CCDC141: variants seen among roughly 807,000 people sequenced by gnomAD.
The protein encoded by CCDC141 is coiled-coil domain-containing protein 141.
In CCDC141, 168 loss-of-function variants were observed where a neutral mutation model predicts 181.0. That is an observed-to-expected ratio of 0.93 (90% confidence interval 0.82 to 1.05). The LOEUF (loss-of-function observed/expected upper bound fraction) is 1.05, where lower values mean the gene tolerates loss of function less well. Among genes scored for constraint, CCDC141 ranks in the 50% least tolerant of loss-of-function variants. CCDC141 has a pLI of 0.00. For synonymous variants in CCDC141, 666 were observed against 642.3 expected, an observed-to-expected ratio of 1.04 and a Z score of -0.56; for missense variants, 1,902 against 1,788.5, an observed-to-expected ratio of 1.06 and a Z score of -1.14.
At chr2:178,977,799 A>G (rs901650605) in intron 3 of CCDC141, among the ~76,000 whole-genome samples, 1 of 152,204 alleles carries the variant, frequency 6.6e-6, no homozygotes, top group African/African-American at 2.4e-5. Context: ...GAAATTTCCA[A>G]TAACTGTCTT....
intron 8 of CCDC141, 150 bp downstream of exon 8, chr2:178,905,178 GT>G (rs745786744): frequency 9.8e-5 from 68 of 696,514 alleles, no homozygotes; most frequent in Non-Finnish European, 1.5e-4. Flanking sequence ...CAGAATAGCT[GT>G]TGATCAAACT....
intron 5 of CCDC141, among the ~76,000 whole-genome samples, chr2:178,950,900 T>C (rs565421121): frequency 2.0e-5 from 3 of 152,214 alleles, no homozygotes; most frequent in South Asian, 2.1e-4. Context: ...TATTAGCATA[T>C]AATTTCTCTT....
At chr2:178,826,605 C>A (rs1684128952), downstream of CCDC141, among the ~76,000 whole-genome samples, 1 of 152,002 alleles carries the variant, frequency 6.6e-6, no homozygotes, top group Admixed American at 6.6e-5. Flanking sequence ...ATATCTCTAA[C>A]AGATAAAGGG....
chr2:178,900,234 TTTC>T (rs910172616), intron 8 of CCDC141, among the ~76,000 whole-genome samples: 2 of 152,174 alleles, frequency 1.3e-5, no homozygotes, highest in Non-Finnish European at 2.9e-5. Context: ...TACCTAATTA[TTTC>T]TTCTTCTGTT....
chr2:178,849,221 A>G (rs1392720976), intron 21 of CCDC141, among the ~76,000 whole-genome samples: 2 of 152,204 alleles, frequency 1.3e-5, no homozygotes, highest in Non-Finnish European at 2.9e-5. Flanking sequence ...CTCAATAACA[A>G]TTATCACAAC....
chr2:178,952,334 T>TA lies in CCDC141; in HGVS notation c.781-7684dup, dbSNP rs1689983350. Reference sequence around the variant, plus strand: ...GAACATTTGAAAATCATTGGGCACTTACAATATGCCAAGCTGTGCTCAAAG... The same window carrying TA: ...GAACATTTGAAAATCATTGGGCACTTAACAATATGCCAAGCTGTGCTCAAAG... On this transcript the variant is annotated intron_variant, in intron 5 of 23. Transcript: ENST00000443758. Among the ~76,000 whole-genome samples the TA allele has an allele frequency of 3.3e-5, 5 of 152,338 alleles. No individual in the cohort carries two copies. In the South Asian group the frequency reaches 1.0e-3, roughly 32 times the overall value.
chr2:178,924,124 A>G (rs1688823884), intron 6 of CCDC141, among the ~76,000 whole-genome samples: 1 of 152,190 alleles, frequency 6.6e-6, no homozygotes, highest in African/African-American at 2.4e-5. Context: ...TCAGGTGGTA[A>G]ATTTTCGTTA....
At chr2:178,935,346 C>T (rs931601282) in intron 6 of CCDC141, among the ~76,000 whole-genome samples, 2 of 152,132 alleles carry the variant, frequency 1.3e-5, no homozygotes, top group African/African-American at 4.8e-5. Flanking sequence ...CATGATTTGA[C>T]TCTCACTTAT....
chr2:178,956,523 G>A (rs890326380), intron 5 of CCDC141, among the ~76,000 whole-genome samples: 21 of 152,026 alleles, frequency 1.4e-4, no homozygotes, highest in African/African-American at 2.7e-4. Context: ...AGCTGGTCTC[G>A]AATTCCTGGG....
intron 2 of CCDC141, chr2:179,002,418 G>C: frequency 2.8e-6 from 1 of 362,434 alleles, no homozygotes; most frequent in South Asian, 2.2e-5. Flanking sequence ...GGATGTTCCT[G>C]GACTGACTGA....
Position 178,837,600 on chromosome 2 carries a change from CAT to C in CCDC141, c.3617_3618del (p.Tyr1206Ter). On this transcript the variant is annotated frameshift_variant, in exon 23 of 24. Transcript: ENST00000443758. LOFTEE classifies it high-confidence loss of function. Reference protein sequence around the residue: ...LPEDMLSGEEYECVSPDDISL... With the variant: ...LPEDMLSGEEXECVSPDDISL... ...GAGATGTCATCAGGTGAGACACACT[CAT>C]ATTCTTCCCCTGAGAGCATGTCTTC... 6.2e-7 allele frequency: 1 copy of C among 1,613,990 alleles called. No individual in the cohort carries two copies.
chr2:178,945,249 C>T (rs995314773), intron 5 of CCDC141, among the ~76,000 whole-genome samples: 1 of 151,982 alleles, frequency 6.6e-6, no homozygotes, highest in Non-Finnish European at 1.5e-5. Context: ...TAAATGATGC[C>T]AACACTTGAC....
chr2:178,915,386 A>G (rs1194267388), intron 7 of CCDC141, among the ~76,000 whole-genome samples: 2 of 152,226 alleles, frequency 1.3e-5, no homozygotes, highest in African/African-American at 2.4e-5. Flanking sequence ...TTAAAAAATC[A>G]TATATTTCAC....
the CCDC141 span, chr2:178,817,524 A>C: frequency 2.1e-6 from 1 of 471,076 alleles, no homozygotes; most frequent in Non-Finnish European, 4.4e-6. Flanking sequence ...CACATGACCT[A>C]CTTCAGTATC....
At chr2:179,041,391 A>G (rs1210284621) in intron 2 of CCDC141, among the ~76,000 whole-genome samples, 1 of 143,786 alleles carries the variant, frequency 7.0e-6, no homozygotes, top group Non-Finnish European at 1.5e-5. Context: ...ATGATCAGTG[A>G]TTTTGAGCTT....
At chr2:179,009,321 T>C (rs2042198734) in intron 2 of CCDC141, among the ~76,000 whole-genome samples, 1 of 152,180 alleles carries the variant, frequency 6.6e-6, no homozygotes, top group Non-Finnish European at 1.5e-5. Context: ...TTCTCCCCCC[T>C]GGGGGTTGAA....
rs964585206 is a variant in CCDC141 at position 178,869,363 on chromosome 2, A to G, written c.2206-58T>C. ...TATTAAAGAACTTTTTTACTTTACA[A>G]CTGACAATATAAAGGTCTAAACAAT... is the stretch of plus-strand genomic sequence containing the variant. On this transcript the variant is annotated intron_variant, in intron 14 of 23. Transcript: ENST00000443758. 34 of 1,252,970 alleles carry G rather than the reference A, an allele frequency of 2.7e-5. No homozygotes were observed. In the African/African-American group the frequency reaches 4.7e-4, roughly 17 times the overall value. The allele number at this position is 1,252,970 out of a possible 1,614,324, so 77.6% of individuals were successfully genotyped here. A position where few individuals can be genotyped will look rare whatever the true frequency, so the allele number is the denominator to read the frequency against.
At chr2:178,918,569 T>G in intron 7 of CCDC141, 144 bp downstream of exon 7, 1 of 584,970 alleles carries the variant, frequency 1.7e-6, no homozygotes, top group Non-Finnish European at 2.9e-6. Flanking sequence ...TAGGAATATA[T>G]GTTAAAAGCT....
chr2:179,015,902 A>ATCATATATATC (rs2042521477), intron 2 of CCDC141, among the ~76,000 whole-genome samples: 1 of 142,672 alleles, frequency 7.0e-6, no homozygotes, highest in East Asian at 2.0e-4. Context: ...TCATATATGT[A>ATCATATATATC]TCATATATAT....
Sources: allele counts gnomAD v4.1 joint callset (sites outside exome capture counted in the v4.1 genomes callset), GRCh38; gene constraint gnomAD v4.1.1; transcripts MANE v1.5; gene names NCBI Gene and HGNC (gene_info 2026-07-23, HGNC 2026-07-21).